Variants in SLFN5 observed in about 807,000 individuals in gnomAD.
SLFN5 encodes the protein schlafen family member 5.
In SLFN5, 34 loss-of-function variants were observed where a neutral mutation model predicts 48.5. The observed-to-expected ratio is 0.70, with a 90% confidence interval of 0.53 to 0.93. The LOEUF is 0.93. Ranked by LOEUF, SLFN5 falls within the 40% of genes least tolerant of loss-of-function variation. The probability of loss-of-function intolerance (pLI) is 0.00; values close to 1 mark genes in which losing one functional copy is unlikely to be tolerated. For synonymous variants in SLFN5, 387 were observed against 396.2 expected (o/e 0.98, Z 0.28); for missense variants, 1,006 against 1,071.3 (o/e 0.94, Z 0.85).
chr17:35,259,220 A>G lies in SLFN5; in HGVS notation c.530A>G (p.Asp177Gly), dbSNP rs1054405645. Residue 177 changes from aspartate (D) to glycine (G), a missense_variant, in exon 2 of 5, where the codon GAT becomes GGT. By Grantham distance (94) the Asp-to-Gly change is moderately conservative. Transcript: ENST00000299977. The part of the protein sequence containing the change: ...NINVSAAALF[D>G]RKRLQYLEKL... ...AATGTGTCAGCTGCTGCTTTATTTG[A>G]TAGAAAGCGGCTTCAGTATCTGGAA... 5 of 1,613,992 alleles carry G rather than the reference A, an allele frequency of 3.1e-6. No homozygotes were observed. The Admixed American group carries it at 6.7e-5, about 22-fold the overall frequency.
At position 35,264,236 on chromosome 17, in the gene SLFN5, T is replaced by C. The variant is rs375146045; in HGVS notation, c.1192T>C (p.Ser398Pro). Residue 398 changes from serine to proline, a missense_variant, in exon 4 of 5, where the codon TCA becomes CCA. By Grantham distance (74) the Ser-to-Pro change is moderately conservative (BLOSUM62 -1). Coordinates refer to ENST00000299977, the MANE Select transcript of SLFN5 (RefSeq NM_144975.4). ...AGAAAGCCTCTACAAGGAACTCTTC[T>C]CACAACATAAAGGACTCAGAGACTT... is the stretch of plus-strand genomic sequence containing the variant. ...TPESLYKELF[S>P]QHKGLRDLIN... 287 of 1,613,936 alleles carry C rather than the reference T, an allele frequency of 1.8e-4. No individual in the cohort carries two copies. Among genetic ancestry groups the C allele is most frequent in the Non-Finnish European group, 2.3e-4 (273 of 1,179,992 alleles).
At position 35,268,388 on chromosome 17, in the gene SLFN5, A is replaced by G. The variant is rs1374283333; in HGVS notation, c.*2500A>G. 2.6e-5 allele frequency: 4 copies of G among 152,278 alleles called. No homozygotes were observed. The highest frequency in any genetic ancestry group is 7.2e-5 in the African/African-American group (3 of 41,476). 9.4% of individuals were successfully genotyped at this position (152,278 alleles called of 1,614,324 possible). On this transcript the variant is annotated 3_prime_UTR_variant, in exon 5 of 5. Transcript: ENST00000299977. ...ATGACATGAGCCAGATGAAGAACCC[A>G]TCCTGAAAGGATATATAACTCAGGG...
rs780775080 is a variant in SLFN5, at chr17:35,264,503, A to G, written c.1459A>G (p.Arg487Gly). ...GGTGAACAAAGGCGGCTACACTGGGAGGTTATGCATCACCCCCTTGGTCTG... is the reference window on the plus strand; with the variant it reads ...GGTGAACAAAGGCGGCTACACTGGGGGGTTATGCATCACCCCCTTGGTCTG... Reference protein sequence around the residue: ...KLVNKGGYTGRLCITPLVCVL... With the variant: ...KLVNKGGYTGGLCITPLVCVL... The change falls in exon 4 of 5, where the codon AGG (arginine) becomes GGG (glycine). Residue 487 changes from arginine (R) to glycine (G), a missense_variant. Coordinates refer to ENST00000299977, the MANE Select transcript of SLFN5 (RefSeq NM_144975.4). 1 of 1,614,062 alleles carries G rather than the reference A, an allele frequency of 6.2e-7. No homozygotes were observed. Among genetic ancestry groups the G allele is most frequent in the Non-Finnish European group, 8.5e-7 (1 of 1,179,980 alleles).
Position 35,261,037 on chromosome 17 carries a change from C to A in SLFN5, c.1079C>A (p.Pro360His). 6.2e-7 allele frequency: 1 copy of A among 1,614,088 alleles called. No homozygotes were observed. Among genetic ancestry groups the A allele is most frequent in the Non-Finnish European group, 8.5e-7 (1 of 1,179,960 alleles). Residue 360 changes from proline (P) to histidine (H), a missense_variant, in exon 3 of 5, where the codon CCT becomes CAT. Coordinates refer to ENST00000299977, the MANE Select transcript of SLFN5 (RefSeq NM_144975.4). ...SLSSATPRSK[P>H]VCIHKNSECL... ...TCATCTGCCACGCCCCGCAGCAAGC[C>A]TGTGTGCATTCATAAGAATTCGGAA...
chr17:35,263,009 G>C (rs1904565386), intron 3 of SLFN5, among the ~76,000 whole-genome samples: 1 of 152,130 alleles, frequency 6.6e-6, no homozygotes. Flanking sequence ...ACGTAATCTT[G>C]CCAGGTGTTA....
intron 1 of SLFN5, among the ~76,000 whole-genome samples, chr17:35,256,017 G>A (rs1286319790): frequency 6.6e-6 from 1 of 152,164 alleles, no homozygotes; most frequent in Non-Finnish European, 1.5e-5. Flanking sequence ...GATGTATTCT[G>A]TGGTTTGTGT....
chr17:35,251,215 A>G (rs889733174), intron 1 of SLFN5, among the ~76,000 whole-genome samples: 1 of 152,164 alleles, frequency 6.6e-6, no homozygotes, highest in Non-Finnish European at 1.5e-5. Context: ...CATGGAAACC[A>G]TGAAAACCCC....
In SLFN5 at chr17:35,271,189, G is replaced by A. The variant is rs1904821689; in HGVS notation, c.*5301G>A. 2 of 152,110 alleles carry A rather than the reference G, an allele frequency of 1.3e-5. No homozygotes were observed. Among genetic ancestry groups the A allele is most frequent in the South Asian group, 4.1e-4 (2 of 4,824 alleles). The allele number at this position is 152,110 out of a possible 1,614,324, so 9.4% of individuals were successfully genotyped here. A position where few individuals can be genotyped will look rare whatever the true frequency, so the allele number is the denominator to read the frequency against. ...CTGACTTGGAACAAGTAGGAATAAT[G>A]TACTTATAGTATTCATCTTCATACA... On this transcript the variant is annotated 3_prime_UTR_variant, in exon 5 of 5. Transcript: ENST00000299977.
chr17:35,257,508 C>G lies in SLFN5; in HGVS notation c.-40-1143C>G, dbSNP rs74811445. ...ACATTGTGTACTCATGATTTATTAT[C>G]TACTGGATCTCAGATCCTTTGTTCC... On this transcript the variant is annotated intron_variant, in intron 1 of 4. Coordinates refer to ENST00000299977, the MANE Select transcript of SLFN5 (RefSeq NM_144975.4). Among the ~76,000 whole-genome samples, 756 of 152,004 alleles carry G rather than the reference C, an allele frequency of 5.0e-3. 5 individuals are homozygous for G. The highest frequency in any genetic ancestry group is 0.02 in the Middle Eastern group (6 of 294).
chr17:35,251,027 T>G (rs534189372), intron 1 of SLFN5, among the ~76,000 whole-genome samples: 2 of 152,326 alleles, frequency 1.3e-5, no homozygotes, highest in South Asian at 4.1e-4. Flanking sequence ...GGAGCACCTC[T>G]TTATGGATTG....
intron 1 of SLFN5, among the ~76,000 whole-genome samples, chr17:35,254,989 C>T (rs2092451038): frequency 6.6e-6 from 1 of 152,082 alleles, no homozygotes; most frequent in African/African-American, 2.4e-5. Context: ...TGCACTACAG[C>T]CTGGGCAATA....
chr17:35,253,878 C>T (rs990858583), intron 1 of SLFN5, among the ~76,000 whole-genome samples: 4 of 151,106 alleles, frequency 2.6e-5, no homozygotes, highest in African/African-American at 7.3e-5. Context: ...TTGTATTTTT[C>T]GTAGAGATGG....
At position 35,273,347 on chromosome 17, in the gene SLFN5, T is replaced by A. The variant is rs1179460758; in HGVS notation, c.*7459T>A. On this transcript the variant is annotated 3_prime_UTR_variant, in exon 5 of 5. Coordinates refer to ENST00000299977, the MANE Select transcript of SLFN5 (RefSeq NM_144975.4). ...GGTGCCAGAGTGAAAAAAAGATAGC[T>A]TTTGCTTTTTATGACTTTTGGATTC... The A allele has an allele frequency of 6.6e-6, 1 of 152,212 alleles. No homozygotes were observed. The highest frequency in any genetic ancestry group is 2.4e-5 in the African/African-American group (1 of 41,454). 9.4% of individuals were successfully genotyped at this position (152,212 alleles called of 1,614,324 possible). A position where few individuals can be genotyped will look rare whatever the true frequency, so the allele number is the denominator to read the frequency against.
At position 35,244,018 on chromosome 17, in the gene SLFN5, A is replaced by T. The variant is rs921159344; in HGVS notation, c.-41+875A>T. Among the ~76,000 whole-genome samples the T allele has an allele frequency of 3.9e-5, 6 of 152,158 alleles. No individual in the cohort carries two copies. The East Asian group carries it at 5.8e-4, about 15-fold the overall frequency. The stretch of plus-strand genomic sequence containing the variant: ...GGGGAAAAGTCTTTCTTCGTCTCAG[A>T]TTACATCTTGAACCACCAGACTTCT... On this transcript the variant is annotated intron_variant, in intron 1 of 4. Coordinates refer to ENST00000299977, the MANE Select transcript of SLFN5 (RefSeq NM_144975.4).
Position 35,258,757 on chromosome 17 carries a change from C to T in SLFN5, c.67C>T (p.Leu23Phe). 6.2e-7 allele frequency: 1 copy of T among 1,614,052 alleles called. No individual in the cohort carries two copies. The highest frequency in any genetic ancestry group is 8.5e-7 in the Non-Finnish European group (1 of 1,180,006). ...TGTTGTAGATGCAGGAAAAGTCACC[C>T]TTGGGACTCAGCAGAGGCAGGAGAT... ...ECVVDAGKVTLGTQQRQEMDP... is the reference protein window; with the variant it reads ...ECVVDAGKVTFGTQQRQEMDP... The change falls in exon 2 of 5, where the codon CTT becomes TTT. Residue 23 changes from leucine to phenylalanine, a missense_variant. Leu to Phe is a conservative substitution (Grantham distance 22). Transcript: ENST00000299977.
rs774777202 is a variant in SLFN5 at position 35,265,685 on chromosome 17, C to T, written c.2473C>T (p.Leu825=). The stretch of plus-strand genomic sequence containing the variant: ...GTCTCAGCTCCATGAGGAGTCTGAT[C>T]TGTTACTACAGATCGGTGATGCGTC... ...KLSQLHEESD[L]LLQIGDASDV... The change falls in exon 5 of 5, where the codon CTG becomes TTG. Residue 825 remains leucine, a synonymous_variant. Coordinates refer to ENST00000299977, the MANE Select transcript of SLFN5 (RefSeq NM_144975.4). 2 of 1,614,162 alleles carry T rather than the reference C, an allele frequency of 1.2e-6. No homozygotes were observed. Among genetic ancestry groups the T allele is most frequent in the Non-Finnish European group, 8.5e-7 (1 of 1,179,994 alleles).
At position 35,258,980 on chromosome 17, in the gene SLFN5, T is replaced by C. The variant is rs572247712; in HGVS notation, c.290T>C (p.Ile97Thr). 2 of 1,614,174 alleles carry C rather than the reference T, an allele frequency of 1.2e-6. No homozygotes were observed. The highest frequency in any genetic ancestry group is 2.7e-5 in the African/African-American group (2 of 75,044). The change falls in exon 2 of 5, where the codon ATT becomes ACT. Residue 97 changes from isoleucine (I) to threonine (T), a missense_variant. Ile to Thr is a moderately conservative substitution (Grantham distance 89). Transcript: ENST00000299977. ...ATGCAGAAGGAAAACCACTTTTTGA[T>C]TTTTGTGAAATCATGGAACACAGAG... ...DKMQKENHFLIFVKSWNTEAG... is the reference protein window; with the variant it reads ...DKMQKENHFLTFVKSWNTEAG...
chr17:35,262,586 G>C (rs1228816673), intron 3 of SLFN5, among the ~76,000 whole-genome samples: 3 of 152,112 alleles, frequency 2.0e-5, no homozygotes, highest in Non-Finnish European at 2.9e-5. Flanking sequence ...AAGATGGCCG[G>C]GTGAGGTGGC....
intron 1 of SLFN5, among the ~76,000 whole-genome samples, chr17:35,248,320 G>A (rs1157663711): frequency 1.3e-5 from 2 of 152,196 alleles, no homozygotes; most frequent in Non-Finnish European, 2.9e-5. Flanking sequence ...TTGGTAGGCA[G>A]AGGCCTCCAA....
Sources: allele counts gnomAD v4.1 joint callset (sites outside exome capture counted in the v4.1 genomes callset), GRCh38; gene constraint gnomAD v4.1.1; transcripts MANE v1.5; gene names NCBI Gene and HGNC (gene_info 2026-07-23, HGNC 2026-07-21).